The following ASIC2 variants were observed in gnomAD, a reference collection of about 807,000 sequenced individuals.
ASIC2 encodes acid sensing ion channel subunit 2.
A neutral mutation model predicts 57.3 loss-of-function variants in ASIC2; 25 were observed. The ratio of observed to expected loss-of-function variants is 0.44; its 90% CI spans 0.32 to 0.61. ASIC2 has a LOEUF of 0.61. Among genes scored for constraint, ASIC2 ranks in the 20% least tolerant of loss-of-function variants. The pLI is 0.06. For synonymous variants in ASIC2, 319 were observed against 307.5 expected, an observed-to-expected ratio of 1.04 and a Z score of -0.39; for missense variants, 641 against 738.1, an observed-to-expected ratio of 0.87 and a Z score of 1.52.
intron 7 of ASIC2, among the ~76,000 whole-genome samples, chr17:33,020,397 C>A (rs1473172039): frequency 6.6e-6 from 1 of 152,134 alleles, no homozygotes; most frequent in African/African-American, 2.4e-5. Flanking sequence ...GAGGCACCTG[C>A]CCCTTCCAAA....
chr17:33,308,125 A>G (rs1397670351), intron 1 of ASIC2, among the ~76,000 whole-genome samples: 1 of 152,240 alleles, frequency 6.6e-6, no homozygotes, highest in East Asian at 1.9e-4. Context: ...AAACAAATTG[A>G]TAACAGAACT....
intron 1 of ASIC2, among the ~76,000 whole-genome samples, chr17:33,574,679 T>C (rs1394320640): frequency 1.3e-5 from 2 of 152,248 alleles, no homozygotes; most frequent in African/African-American, 2.4e-5. Flanking sequence ...TTATTTTTCA[T>C]AGATGTTAAT....
At position 33,577,632 on chromosome 17, in the gene ASIC2, C is replaced by T. The variant is rs554020082; in HGVS notation, c.556-465565G>A. Among the ~76,000 whole-genome samples, 12 of 152,298 alleles carry T rather than the reference C, an allele frequency of 7.9e-5. No individual in the cohort carries two copies. In the East Asian group the frequency reaches 1.9e-3, roughly 25 times the overall value. On this transcript the variant is annotated intron_variant, in intron 1 of 9. Transcript: ENST00000359872. ...TTACCAACCACAGGGGATTTGGGTG[C>T]AGCAAATGAACAACAGTGGAAAAGC... is the stretch of plus-strand genomic sequence containing the variant.
chr17:33,210,509 G>C (rs1907228722), intron 1 of ASIC2, among the ~76,000 whole-genome samples: 1 of 152,200 alleles, frequency 6.6e-6, no homozygotes, highest in African/African-American at 2.4e-5. Flanking sequence ...GGCTGAGCTA[G>C]AATGCCTGAG....
intron 1 of ASIC2, among the ~76,000 whole-genome samples, chr17:34,137,329 T>C (rs988189849): frequency 6.6e-6 from 1 of 152,240 alleles, no homozygotes; most frequent in Non-Finnish European, 1.5e-5. Flanking sequence ...AGCCAATATG[T>C]GCTATTTGAT....
At chr17:33,336,484 A>G (rs2142231841) in intron 1 of ASIC2, among the ~76,000 whole-genome samples, 1 of 152,186 alleles carries the variant, frequency 6.6e-6, no homozygotes. Flanking sequence ...CTCGCCTCAC[A>G]CTTTTTCCAG....
At chr17:33,729,307 C>G (rs1165487007) in intron 1 of ASIC2, among the ~76,000 whole-genome samples, 1 of 152,098 alleles carries the variant, frequency 6.6e-6, no homozygotes, top group African/African-American at 2.4e-5. Flanking sequence ...CTTGTGGAAA[C>G]TCAGAGCGAG....
chr17:33,461,241 C>T (rs947238445), intron 1 of ASIC2, among the ~76,000 whole-genome samples: 8 of 152,172 alleles, frequency 5.3e-5, no homozygotes, highest in East Asian at 3.8e-4. Flanking sequence ...CATTCCTTTA[C>T]GTTTAGATAA....
At chr17:33,141,939 A>G (rs779370782) in intron 1 of ASIC2, among the ~76,000 whole-genome samples, 6 of 152,256 alleles carry the variant, frequency 3.9e-5, no homozygotes, top group Non-Finnish European at 8.8e-5. Flanking sequence ...TGTACAAAAT[A>G]GCAATAAGGA....
intron 1 of ASIC2, among the ~76,000 whole-genome samples, chr17:33,833,216 C>T (rs1175114736): frequency 4.6e-5 from 7 of 152,046 alleles, no homozygotes; most frequent in South Asian, 2.1e-4. Context: ...GGCAAATTAC[C>T]TCCATAAGAT....
At chr17:33,599,446 A>T (rs938454207) in intron 1 of ASIC2, among the ~76,000 whole-genome samples, 2 of 152,220 alleles carry the variant, frequency 1.3e-5, no homozygotes, top group Non-Finnish European at 2.9e-5. Context: ...AACATTCTCC[A>T]GAATAACGGG....
chr17:33,279,161 C>A (rs912435231), intron 1 of ASIC2, among the ~76,000 whole-genome samples: 6 of 152,126 alleles, frequency 3.9e-5, no homozygotes, highest in African/African-American at 1.4e-4. Flanking sequence ...TAAAAATATT[C>A]GGGTCATAGA....
At chr17:33,354,524 CCAGCTCTCCCTG>C (rs952732795) in intron 1 of ASIC2, among the ~76,000 whole-genome samples, 1 of 152,150 alleles carries the variant, frequency 6.6e-6, no homozygotes, top group African/African-American at 2.4e-5. Context: ...GTCTATTCCA[CCAGCTCTCCCTG>C]CAGCCCTACC....
chr17:34,092,608 C>T (rs1328957581), intron 1 of ASIC2, among the ~76,000 whole-genome samples: 1 of 152,162 alleles, frequency 6.6e-6, no homozygotes. Context: ...CTTCTAGAGG[C>T]AGTAAAGGGA....
At chr17:33,685,795 A>G (rs1226538618) in intron 1 of ASIC2, among the ~76,000 whole-genome samples, 1 of 152,200 alleles carries the variant, frequency 6.6e-6, no homozygotes, top group Non-Finnish European at 1.5e-5. Context: ...TGGGTAGACT[A>G]AGGCCTTCAG....
rs367631973 is a variant in ASIC2, at chr17:34,153,342, A to C, written c.555+2636T>G. ...TGGTACAATCCTAGATAGAGCCTCA[A>C]AAATAAGCCAACTGGAGAGGGATGC... On this transcript the variant is annotated intron_variant, in intron 1 of 9. Coordinates refer to the ASIC2 transcript ENST00000359872. Among the ~76,000 whole-genome samples the C allele has an allele frequency of 2.0e-5, 3 of 152,344 alleles. 1 individual carries two copies.
chr17:33,956,966 G>C (rs1904754219), intron 1 of ASIC2, among the ~76,000 whole-genome samples: 1 of 152,206 alleles, frequency 6.6e-6, no homozygotes, highest in Non-Finnish European at 1.5e-5. Flanking sequence ...GTGGCCACCT[G>C]GCCATGGGCC....
chr17:33,385,924 G>T (rs1359703831), intron 1 of ASIC2, among the ~76,000 whole-genome samples: 1 of 152,176 alleles, frequency 6.6e-6, no homozygotes, highest in Non-Finnish European at 1.5e-5. Context: ...CTCTTATGAT[G>T]GTGATCAGCC....
intron 1 of ASIC2, among the ~76,000 whole-genome samples, chr17:33,833,282 G>T (rs545859297): frequency 1.4e-4 from 21 of 152,174 alleles, no homozygotes; most frequent in African/African-American, 4.8e-4. Flanking sequence ...TGTATCTCTA[G>T]CATCAAGTGC....
Sources: allele counts gnomAD v4.1 joint callset (sites outside exome capture counted in the v4.1 genomes callset), GRCh38; gene constraint gnomAD v4.1.1; transcripts MANE v1.5; gene names NCBI Gene and HGNC (gene_info 2026-07-23, HGNC 2026-07-21).